The following GABRA2 variants were observed in gnomAD, a reference collection of about 807,000 sequenced individuals.
GABRA2 encodes gamma-aminobutyric acid receptor subunit alpha-2.
GABRA2 carries 16 observed loss-of-function variants against 48.7 expected under a neutral mutation model. The ratio of observed to expected loss-of-function variants is 0.33; its 90% CI spans 0.22 to 0.50. The LOEUF (loss-of-function observed/expected upper bound fraction) is 0.50. Among genes scored for constraint, GABRA2 ranks in the 20% least tolerant of loss-of-function variants. The probability of loss-of-function intolerance (pLI) is 0.98; values close to 1 mark genes in which losing one functional copy is unlikely to be tolerated. For missense variants in GABRA2, 275 were observed against 535.6 expected (o/e 0.51, Z 4.80); for synonymous variants, 185 against 184.5 (o/e 1.00, Z -0.02).
chr4:46,348,732 A>C (rs1395017173), intron 3 of GABRA2, among the ~76,000 whole-genome samples: 1 of 137,218 alleles, frequency 7.3e-6, no homozygotes, highest in Non-Finnish European at 1.5e-5. Flanking sequence ...CAATGAGAAC[A>C]CATGGACACA....
At chr4:46,314,582 C>T (rs1433554000) in intron 4 of GABRA2, among the ~76,000 whole-genome samples, 1 of 151,990 alleles carries the variant, frequency 6.6e-6, no homozygotes, top group East Asian at 1.9e-4. Context: ...GGGATACTAT[C>T]ATCCAGAGAG....
intron 3 of GABRA2, among the ~76,000 whole-genome samples, chr4:46,362,324 T>G (rs1316623522): frequency 6.6e-6 from 1 of 152,202 alleles, no homozygotes; most frequent in Non-Finnish European, 1.5e-5. Context: ...CTCTGCCTGC[T>G]GCCATCCATG....
At chr4:46,315,274 G>GT (rs1019056952) in intron 4 of GABRA2, among the ~76,000 whole-genome samples, 1 of 151,264 alleles carries the variant, frequency 6.6e-6, no homozygotes, top group Admixed American at 6.6e-5. Flanking sequence ...TTGGCTGCTT[G>GT]TATGTCTTCT....
intron 8 of GABRA2, among the ~76,000 whole-genome samples, chr4:46,295,757 G>C (rs558829435): frequency 6.6e-6 from 1 of 152,302 alleles, no homozygotes; most frequent in East Asian, 1.9e-4. Flanking sequence ...GTGGCAGTTT[G>C]ATTTTAATGG....
At chr4:46,270,818 G>C (rs997179894) in intron 8 of GABRA2, among the ~76,000 whole-genome samples, 1 of 151,700 alleles carries the variant, frequency 6.6e-6, no homozygotes, top group African/African-American at 2.4e-5. Context: ...AAAGAGTGTT[G>C]GGTAAAAATA....
intron 1 of GABRA2, 166 bp from the exon 2 acceptor site, chr4:46,388,882 T>C: frequency 1.5e-6 from 2 of 1,354,566 alleles, no homozygotes; most frequent in Non-Finnish European, 1.9e-6. Flanking sequence ...GACGATTTCT[T>C]TTTTATGGAC....
At chr4:46,300,813 AT>A (rs1456057661) in intron 8 of GABRA2, among the ~76,000 whole-genome samples, 1 of 151,934 alleles carries the variant, frequency 6.6e-6, no homozygotes. Context: ...TCCCTCAAAC[AT>A]CTTTTGATCC....
intron 4 of GABRA2, among the ~76,000 whole-genome samples, chr4:46,328,113 G>T (rs1730692098): frequency 6.6e-6 from 1 of 151,976 alleles, no homozygotes; most frequent in Non-Finnish European, 1.5e-5. Flanking sequence ...TTGGTCAATT[G>T]TGAGCTACTA....
chr4:46,375,155 G>A (rs1715504056), intron 3 of GABRA2, among the ~76,000 whole-genome samples: 3 of 152,168 alleles, frequency 2.0e-5, no homozygotes, highest in East Asian at 3.9e-4. Context: ...AAAATCCAGT[G>A]AAGAATTTGA....
At chr4:46,371,174 A>G in intron 3 of GABRA2, among the ~76,000 whole-genome samples, 1 of 152,192 alleles carries the variant, frequency 6.6e-6, no homozygotes, top group Non-Finnish European at 1.5e-5. Flanking sequence ...AAATTAAAGT[A>G]CAATGTTTTT....
rs1310210092 is a variant in GABRA2 at position 46,389,937 on chromosome 4, C to A, written c.-213G>T. 3.0e-6 allele frequency: 3 copies of A among 985,726 alleles called. No homozygotes were observed. In the East Asian group the frequency reaches 3.5e-4, roughly 114 times the overall value. The allele number at this position is 985,726 out of a possible 1,614,324, so 61.1% of individuals were successfully genotyped here. On this transcript the variant is annotated 5_prime_UTR_variant, in exon 1 of 10. Coordinates refer to ENST00000381620, the MANE Select transcript of GABRA2 (RefSeq NM_000807.4). ...CGGAGAGGAGCGCTAGGAGCCGCGG[C>A]GGCGGCGCGAGGTGTAGAAGGAGGC... is the stretch of plus-strand genomic sequence containing the variant.
intron 9 of GABRA2, among the ~76,000 whole-genome samples, chr4:46,258,924 A>G (rs941785099): frequency 1.9e-4 from 29 of 152,036 alleles, no homozygotes; most frequent in African/African-American, 7.0e-4. Flanking sequence ...GAAAGTGATA[A>G]GATAACATTG....
intron 3 of GABRA2, chr4:46,366,094 C>A (rs1713993177): frequency 6.6e-6 from 1 of 152,042 alleles, no homozygotes; most frequent in Non-Finnish European, 1.5e-5. Flanking sequence ...GTCTTCTTAT[C>A]TCCTTCTCAT....
intron 3 of GABRA2, among the ~76,000 whole-genome samples, chr4:46,374,014 G>A (rs924470913): frequency 1.3e-5 from 2 of 151,972 alleles, no homozygotes; most frequent in African/African-American, 4.8e-5. Context: ...AACCTAAGTG[G>A]CATTTTAGCC....
At chr4:46,324,293 G>A (rs1729951449) in intron 4 of GABRA2, among the ~76,000 whole-genome samples, 1 of 151,918 alleles carries the variant, frequency 6.6e-6, no homozygotes, top group Admixed American at 6.6e-5. Flanking sequence ...TCCTGGTACT[G>A]TGAGAAACCA....
chr4:46,376,736 C>CCCTCTG (rs1261401040), intron 3 of GABRA2, among the ~76,000 whole-genome samples: 4 of 73,246 alleles, frequency 5.5e-5, no homozygotes, highest in Non-Finnish European at 9.2e-5. Flanking sequence ...AAAATTGTCT[C>CCCTCTG]CCTCTCCCTC....
intron 4 of GABRA2, among the ~76,000 whole-genome samples, chr4:46,325,680 G>A (rs1730233120): frequency 6.6e-6 from 1 of 151,846 alleles, no homozygotes; most frequent in South Asian, 2.1e-4. Flanking sequence ...CATTTCCTAG[G>A]TTTTCTTCTA....
chr4:46,371,038 A>AGCT (rs2109999264), intron 3 of GABRA2, among the ~76,000 whole-genome samples: 1 of 152,260 alleles, frequency 6.6e-6, no homozygotes, highest in South Asian at 2.1e-4. Flanking sequence ...AAGATCACAC[A>AGCT]GCTTTTATAA....
chr4:46,264,060 A>G (rs984645056), intron 8 of GABRA2, among the ~76,000 whole-genome samples: 1 of 151,888 alleles, frequency 6.6e-6, no homozygotes, highest in African/African-American at 2.4e-5. Flanking sequence ...AAATGTATTT[A>G]TAGATATTGT....
Sources: allele counts gnomAD v4.1 joint callset (sites outside exome capture counted in the v4.1 genomes callset), GRCh38; gene constraint gnomAD v4.1.1; transcripts MANE v1.5; gene names NCBI Gene and HGNC (gene_info 2026-07-23, HGNC 2026-07-21).